Variants in TNKS observed in about 807,000 individuals in gnomAD.
TNKS encodes the protein tankyrase.
TNKS carries 72 observed loss-of-function variants against 135.8 expected under a neutral mutation model. The ratio of observed to expected loss-of-function variants is 0.53; its 90% CI spans 0.44 to 0.64. The LOEUF (loss-of-function observed/expected upper bound fraction) is 0.64. TNKS is among the 30% of genes least tolerant of loss of function. The pLI is 0.00. For synonymous variants in TNKS, 849 were observed against 649.3 expected, an observed-to-expected ratio of 1.31 and a Z score of -4.68; for missense variants, 1,769 against 1,674.0, an observed-to-expected ratio of 1.06 and a Z score of -0.99.
intron 13 of TNKS, among the ~76,000 whole-genome samples, chr8:9,729,752 A>G (rs1805336221): frequency 6.9e-6 from 1 of 144,176 alleles, no homozygotes; most frequent in South Asian, 2.2e-4. Flanking sequence ...TAATTTCCTC[A>G]CTGAAAGAAT....
chr8:9,587,616 G>C (rs970923805), intron 2 of TNKS, among the ~76,000 whole-genome samples: 1 of 151,812 alleles, frequency 6.6e-6, no homozygotes, highest in African/African-American at 2.4e-5. Context: ...GTTAGCCAGG[G>C]TGGTCTCGAT....
chr8:9,635,093 C>T (rs1800458360), intron 3 of TNKS, among the ~76,000 whole-genome samples: 1 of 152,052 alleles, frequency 6.6e-6, no homozygotes, highest in Non-Finnish European at 1.5e-5. Context: ...TGGCGTAAAC[C>T]CGGGAGGCGG....
intron 20 of TNKS, among the ~76,000 whole-genome samples, chr8:9,759,469 C>T (rs989220637): frequency 1.3e-5 from 2 of 152,150 alleles, no homozygotes; most frequent in African/African-American, 4.8e-5. Context: ...CTCAGCCTTG[C>T]CTTCTAAACT....
chr8:9,670,554 TTA>T (rs1336280485), intron 3 of TNKS, among the ~76,000 whole-genome samples: 2 of 152,178 alleles, frequency 1.3e-5, no homozygotes, highest in African/African-American at 4.8e-5. Context: ...TAAAACAATG[TTA>T]TATTAATGAA....
At chr8:9,765,287 C>T (rs1190820725) in intron 23 of TNKS, among the ~76,000 whole-genome samples, 1 of 152,026 alleles carries the variant, frequency 6.6e-6, no homozygotes, top group Non-Finnish European at 1.5e-5. Context: ...ACTGGTTTAA[C>T]CCTTTGAGTT....
chr8:9,739,358 T>C (rs1805812860), intron 17 of TNKS, among the ~76,000 whole-genome samples: 1 of 37,496 alleles, frequency 2.7e-5, no homozygotes, highest in South Asian at 1.2e-3. Context: ...CTATGAGATA[T>C]CATCTCACAC....
At chr8:9,562,159 G>A (rs1797362848) in intron 1 of TNKS, among the ~76,000 whole-genome samples, 2 of 151,518 alleles carry the variant, frequency 1.3e-5, no homozygotes, top group African/African-American at 4.9e-5. Context: ...TTTTCTACTG[G>A]GCACACTTCA....
chr8:9,723,799 C>T (rs1805023247), intron 12 of TNKS, among the ~76,000 whole-genome samples: 1 of 152,134 alleles, frequency 6.6e-6, no homozygotes, highest in African/African-American at 2.4e-5. Flanking sequence ...TTTCTAGCAC[C>T]ACAGACAGTT....
chr8:9,684,690 A>G lies in TNKS; in HGVS notation c.1107+3890A>G, dbSNP rs375928237. 1.5e-4 allele frequency among the ~76,000 whole-genome samples: 23 copies of G among 152,220 alleles called. No homozygotes were observed. The East Asian group carries it at 3.5e-3, about 23-fold the overall frequency. On this transcript the variant is annotated intron_variant, in intron 5 of 26. Coordinates refer to ENST00000310430, the MANE Select transcript of TNKS (RefSeq NM_003747.3). Reference sequence around the variant, plus strand: ...AGGTGCTTTTAAAATAACATCTCCAATGTAATTTTGAGTATTTCAGGTTTC... The same window carrying G: ...AGGTGCTTTTAAAATAACATCTCCAGTGTAATTTTGAGTATTTCAGGTTTC...
chr8:9,643,736 G>A (rs1341155147), intron 3 of TNKS, among the ~76,000 whole-genome samples: 1 of 152,116 alleles, frequency 6.6e-6, no homozygotes, highest in East Asian at 1.9e-4. Flanking sequence ...ATTAAAAATA[G>A]AATTCCCATA....
At chr8:9,681,017 C>G (rs1022643744) in intron 5 of TNKS, 21 of 387,466 alleles carry the variant, frequency 5.4e-5, no homozygotes, top group Admixed American at 4.8e-4. Flanking sequence ...TCTTAAATGT[C>G]AGACACAGCA....
At chr8:9,771,721 A>G in intron 26 of TNKS, among the ~76,000 whole-genome samples, 1 of 109,886 alleles carries the variant, frequency 9.1e-6, no homozygotes. Flanking sequence ...GCGAGAGAGG[A>G]AGGAACAGGG....
At chr8:9,566,003 A>G (rs1291009709) in intron 1 of TNKS, among the ~76,000 whole-genome samples, 1 of 152,200 alleles carries the variant, frequency 6.6e-6, no homozygotes, top group Non-Finnish European at 1.5e-5. Context: ...TTATATACAT[A>G]GTAAGTAGAC....
At chr8:9,754,707 A>G (rs1332354773) in intron 20 of TNKS, among the ~76,000 whole-genome samples, 1 of 152,172 alleles carries the variant, frequency 6.6e-6, no homozygotes, top group African/African-American at 2.4e-5. Flanking sequence ...TAATGCTTAT[A>G]AATGTTCAGA....
At chr8:9,695,766 A>G (rs1045102745) in intron 5 of TNKS, among the ~76,000 whole-genome samples, 1 of 152,146 alleles carries the variant, frequency 6.6e-6, no homozygotes, top group African/African-American at 2.4e-5. Flanking sequence ...TGGATTCTGG[A>G]TATATTTTGG....
chr8:9,557,679 C>T (rs1815383859), intron 1 of TNKS: 1 of 152,018 alleles, frequency 6.6e-6, no homozygotes, highest in Non-Finnish European at 1.5e-5. Flanking sequence ...CCAGAGATAA[C>T]TTCTGTTAAG....
chr8:9,638,027 G>A (rs1347895835), intron 3 of TNKS, among the ~76,000 whole-genome samples: 1 of 152,032 alleles, frequency 6.6e-6, no homozygotes, highest in African/African-American at 2.4e-5. Context: ...GGAGTGTACC[G>A]GCATGATCAT....
Position 9,579,235 on chromosome 8 carries a change from T to G in TNKS, c.674-924T>G, listed in dbSNP as rs1159619346. On this transcript the variant is annotated intron_variant, in intron 1 of 26. Transcript: ENST00000310430. ...TGCCATATCGTTTCCTCAAACTAAGTGAATCCAAGCTTGAATTGTTCCAGT... is the reference window on the plus strand; with the variant it reads ...TGCCATATCGTTTCCTCAAACTAAGGGAATCCAAGCTTGAATTGTTCCAGT... Among the ~76,000 whole-genome samples the G allele has an allele frequency of 5.3e-5, 8 of 152,202 alleles. No individual in the cohort carries two copies. The East Asian group carries it at 1.5e-3, about 29-fold the overall frequency.
chr8:9,570,652 A>G (rs191473654), intron 1 of TNKS, among the ~76,000 whole-genome samples: 2 of 152,350 alleles, frequency 1.3e-5, no homozygotes, highest in South Asian at 2.1e-4. Flanking sequence ...TCCATTCTAC[A>G]TGATGGGCTT....
Sources: allele counts gnomAD v4.1 joint callset (sites outside exome capture counted in the v4.1 genomes callset), GRCh38; gene constraint gnomAD v4.1.1; transcripts MANE v1.5; gene names NCBI Gene and HGNC (gene_info 2026-07-23, HGNC 2026-07-21).